Variants in BNIP2 observed in about 807,000 individuals in gnomAD.
BNIP2 encodes BCL2 interacting protein 2, also known as BCL2/adenovirus E1B 19 kDa protein-interacting protein 2.
In BNIP2, 36 loss-of-function variants were observed where a neutral mutation model predicts 43.4. That is an observed-to-expected ratio of 0.83 (90% CI 0.64 to 1.10). The LOEUF is 1.10. BNIP2 is among the 50% of genes least tolerant of loss of function. The probability of loss-of-function intolerance (pLI) is 0.00; values close to 1 mark genes in which losing one functional copy is unlikely to be tolerated. For synonymous variants in BNIP2, 146 were observed against 121.0 expected, an observed-to-expected ratio of 1.21 and a Z score of -1.35; for missense variants, 417 against 374.1, an observed-to-expected ratio of 1.11 and a Z score of -0.95.
chr15:59,688,050 G>A (rs1595712019), intron 1 of BNIP2, among the ~76,000 whole-genome samples: 1 of 152,272 alleles, frequency 6.6e-6, no homozygotes, highest in East Asian at 1.9e-4. Context: ...ACTGACTTAT[G>A]ATAATCTAGT....
chr15:59,689,256 A>T lies in BNIP2; in HGVS notation c.-179T>A. ...CCGCTCCCCTCGGTCGGCGGTGGAG[A>T]CCCCGGCCCAATCCCCCGGCCGCAG... On this transcript the variant is annotated 5_prime_UTR_variant, in exon 1 of 10. Coordinates refer to ENST00000607373, the MANE Select transcript of BNIP2 (RefSeq NM_004330.4). 2 of 1,543,154 alleles carry T rather than the reference A, an allele frequency of 1.3e-6. No homozygotes were observed. Among genetic ancestry groups the T allele is most frequent in the South Asian group, 1.2e-5 (1 of 83,914 alleles).
At chr15:59,676,827 C>T in intron 5 of BNIP2, 1 of 1,549,378 alleles carries the variant, frequency 6.5e-7, no homozygotes, top group Non-Finnish European at 8.7e-7. Flanking sequence ...TACTACTTCC[C>T]TTCCTGCCGG....
chr15:59,685,857 G>T (rs1310617139), intron 1 of BNIP2, among the ~76,000 whole-genome samples: 1 of 152,146 alleles, frequency 6.6e-6, no homozygotes, highest in Admixed American at 6.5e-5. Flanking sequence ...AAACAAGAAA[G>T]GAGTTAATAT....
intron 7 of BNIP2, 114 bp downstream of exon 7, chr15:59,671,069 G>C: frequency 1.1e-6 from 1 of 933,686 alleles, no homozygotes. Context: ...GTGAAACTCC[G>C]TCTCAAAAAA....
chr15:59,678,521 C>G (rs1195177261), intron 4 of BNIP2: 1 of 1,071,146 alleles, frequency 9.3e-7, no homozygotes, highest in Non-Finnish European at 1.1e-6. Flanking sequence ...ACTGTAATAC[C>G]AGATAGGAAG....
intron 3 of BNIP2, 51 bp downstream of exon 3, chr15:59,680,190 A>G: frequency 7.4e-7 from 1 of 1,358,380 alleles, no homozygotes; most frequent in Non-Finnish European, 9.8e-7. Context: ...CGTGTTTTAA[A>G]AAATAACACA....
chr15:59,682,567 T>C (rs1893755295), intron 1 of BNIP2, 53 bp from the exon 2 acceptor site: 2 of 1,364,012 alleles, frequency 1.5e-6, no homozygotes, highest in South Asian at 1.3e-5. Context: ...TTTTATCCAC[T>C]GAAAAGGCGT....
At chr15:59,673,809 C>T (rs759446045) in intron 5 of BNIP2, among the ~76,000 whole-genome samples, 28 of 152,000 alleles carry the variant, frequency 1.8e-4, no homozygotes, top group Non-Finnish European at 1.5e-4. Context: ...TAAATTAGGC[C>T]GGGCGAGGTG....
intron 2 of BNIP2, among the ~76,000 whole-genome samples, chr15:59,680,821 G>A (rs972623056): frequency 6.6e-5 from 10 of 152,150 alleles, no homozygotes; most frequent in African/African-American, 1.9e-4. Context: ...ATGTTGCCCA[G>A]GCTGGTCTCA....
rs1892137070 is a variant in BNIP2 at position 59,659,465 on chromosome 15, T to A, written c.*4604A>T. The A allele has an allele frequency of 6.6e-6, 1 of 152,232 alleles. No homozygotes were observed. Among genetic ancestry groups the A allele is most frequent in the Admixed American group, 6.5e-5 (1 of 15,284 alleles). 9.4% of individuals were successfully genotyped at this position (152,232 alleles called of 1,614,324 possible). On this transcript the variant is annotated 3_prime_UTR_variant, in exon 10 of 10. Transcript: ENST00000607373. ...TTTTGGAATAGATATCAAAGTGTGT[T>A]AATGTCTTAACAAACTCTGAATTGT... is the stretch of plus-strand genomic sequence containing the variant.
intron 3 of BNIP2, 141 bp downstream of exon 3, chr15:59,680,100 C>G (rs188761733): frequency 2.7e-6 from 2 of 731,376 alleles, no homozygotes; most frequent in Admixed American, 3.5e-5. Context: ...TCTAAAAATG[C>G]TTTCCTCAAT....
chr15:59,679,743 T>C lies in BNIP2; in HGVS notation c.144A>G (p.Lys48=), dbSNP rs768391523. ...QPGSLEVNGN[K]VRKKLMAPDI... is the part of the protein sequence containing the mutation. ...CTGGAGCCATTAGTTTCTTTCTCAC[T>C]TTATTTCCATTAACTTCTAGTGAGC... Residue 48 remains lysine, a synonymous_variant, in exon 4 of 10, where the codon AAA becomes AAG. Coordinates refer to ENST00000607373, the MANE Select transcript of BNIP2 (RefSeq NM_004330.4). The C allele has an allele frequency of 6.4e-7, 1 of 1,553,012 alleles. No individual in the cohort carries two copies. Among genetic ancestry groups the C allele is most frequent in the Non-Finnish European group, 8.6e-7 (1 of 1,156,746 alleles).
Position 59,676,353 on chromosome 15 carries a change from T to A in BNIP2, c.472+1558A>T, listed in dbSNP as rs139886020. 2.8e-3 allele frequency among the ~76,000 whole-genome samples: 423 copies of A among 152,032 alleles called. 1 individual carries two copies. The highest frequency in any genetic ancestry group is 7.0e-3 in the South Asian group (34 of 4,826). Reference sequence around the variant, plus strand: ...CACTCCTGGCTAATTTTATTTATTTTTTTATTTTTTTTATTTTTTTGTGGA... The same window carrying A: ...CACTCCTGGCTAATTTTATTTATTTATTTATTTTTTTTATTTTTTTGTGGA... On this transcript the variant is annotated intron_variant, in intron 5 of 9. Coordinates refer to ENST00000607373, the MANE Select transcript of BNIP2 (RefSeq NM_004330.4).
Position 59,680,312 on chromosome 15 carries a change from G to C in BNIP2, c.51-4C>G, listed in dbSNP as rs1224858331. On this transcript the variant is annotated splice_region_variant and splice_polypyrimidine_tract_variant and intron_variant, in intron 2 of 9. Coordinates refer to ENST00000607373, the MANE Select transcript of BNIP2 (RefSeq NM_004330.4). ...ACTATCATCTTCTGGTAAAGGTCTA[G>C]AAGACACAGGCATACTTTTTAATCC... 2 of 1,591,488 alleles carry C rather than the reference G, an allele frequency of 1.3e-6. No individual in the cohort carries two copies.
At chr15:59,677,845 C>G in intron 5 of BNIP2, 66 bp downstream of exon 5, 1 of 1,522,058 alleles carries the variant, frequency 6.6e-7, no homozygotes, top group Non-Finnish European at 8.8e-7. Flanking sequence ...AAACAGATAT[C>G]CTTCCAAAAA....
At chr15:59,688,658 A>C (rs539622804) in intron 1 of BNIP2, 1 of 1,496,296 alleles carries the variant, frequency 6.7e-7, no homozygotes, top group Non-Finnish European at 9.0e-7. Flanking sequence ...GGTTTAGCGT[A>C]CTAGGGAAGA....
At chr15:59,665,959 G>T (rs1892543814) in intron 9 of BNIP2, among the ~76,000 whole-genome samples, 1 of 126,218 alleles carries the variant, frequency 7.9e-6, no homozygotes, top group African/African-American at 3.2e-5. Context: ...TTAAAATATT[G>T]TTATAAAAAA....
chr15:59,689,032 T>C, intron 1 of BNIP2, 103 bp downstream of exon 1: 1 of 1,451,414 alleles, frequency 6.9e-7, no homozygotes, highest in Non-Finnish European at 9.0e-7. Context: ...GGGTTTCCTC[T>C]CCCCGGACGT....
At chr15:59,681,436 G>A (rs1893662416) in intron 2 of BNIP2, among the ~76,000 whole-genome samples, 1 of 150,446 alleles carries the variant, frequency 6.6e-6, no homozygotes, top group African/African-American at 2.4e-5. Flanking sequence ...TTTTGGTGGG[G>A]GGGAACCCAC....
Sources: allele counts gnomAD v4.1 joint callset (sites outside exome capture counted in the v4.1 genomes callset), GRCh38; gene constraint gnomAD v4.1.1; transcripts MANE v1.5; gene names NCBI Gene and HGNC (gene_info 2026-07-23, HGNC 2026-07-21).